Variants in ARMC8 observed in about 807,000 individuals in gnomAD.
ARMC8 encodes the protein armadillo repeat-containing protein 8.
In ARMC8, 20 loss-of-function variants were observed where a neutral mutation model predicts 99.3. The ratio of observed to expected loss-of-function variants is 0.20; its 90% CI spans 0.14 to 0.29. The LOEUF is 0.29. Among genes scored for constraint, ARMC8 ranks in the 10% least tolerant of loss-of-function variants. The pLI is 1.00. For synonymous variants in ARMC8, 263 were observed against 278.3 expected (o/e 0.95, Z 0.55); for missense variants, 569 against 809.5 (o/e 0.70, Z 3.60).
At chr3:138,249,464 T>G (rs1165350325) in intron 12 of ARMC8, among the ~76,000 whole-genome samples, 1 of 151,898 alleles carries the variant, frequency 6.6e-6, no homozygotes, top group Non-Finnish European at 1.5e-5. Context: ...GACCATTATT[T>G]CTTAATTAGA....
intron 19 of ARMC8, among the ~76,000 whole-genome samples, chr3:138,285,561 T>C (rs543043234): frequency 3.9e-5 from 6 of 152,358 alleles, no homozygotes; most frequent in African/African-American, 1.4e-4. Context: ...CCTTCAAATC[T>C]CAGCTGAACT....
At chr3:138,236,565 T>G (rs1202366595) in intron 7 of ARMC8, among the ~76,000 whole-genome samples, 2 of 152,238 alleles carry the variant, frequency 1.3e-5, no homozygotes, top group Non-Finnish European at 2.9e-5. Flanking sequence ...AGGTTCCTCC[T>G]GTGGGCACAT....
At chr3:138,252,281 G>A (rs1050557953) in intron 12 of ARMC8, among the ~76,000 whole-genome samples, 6 of 152,066 alleles carry the variant, frequency 3.9e-5, no homozygotes, top group South Asian at 4.1e-4. Flanking sequence ...TTATATTGCC[G>A]TACGACCTTG....
chr3:138,237,220 A>T, intron 7 of ARMC8, 89 bp from the exon 8 acceptor site: 1 of 1,154,830 alleles, frequency 8.7e-7, no homozygotes, highest in South Asian at 1.3e-5. Context: ...AGATTTACAT[A>T]ATTTTTTAGA....
chr3:138,256,567 C>G (rs1004490581), intron 12 of ARMC8, among the ~76,000 whole-genome samples: 1 of 151,938 alleles, frequency 6.6e-6, no homozygotes, highest in Non-Finnish European at 1.5e-5. Flanking sequence ...CCCGCCACAG[C>G]GCCTGGCTAA....
chr3:138,235,005 A>G (rs1331817189), intron 6 of ARMC8, 29 bp from the exon 7 acceptor site: 3 of 1,568,870 alleles, frequency 1.9e-6, no homozygotes, highest in African/African-American at 2.7e-5. Flanking sequence ...ACTCTTCTAA[A>G]TATATTGTTG....
At chr3:138,286,248 A>G (rs1208107030) in intron 19 of ARMC8, among the ~76,000 whole-genome samples, 1 of 152,116 alleles carries the variant, frequency 6.6e-6, no homozygotes, top group Non-Finnish European at 1.5e-5. Context: ...CAACCTTCAA[A>G]GCCAGACTTC....
intron 12 of ARMC8, among the ~76,000 whole-genome samples, chr3:138,248,401 A>G (rs1468382877): frequency 6.6e-6 from 1 of 152,252 alleles, no homozygotes; most frequent in African/African-American, 2.4e-5. Flanking sequence ...CCAAGTAAAA[A>G]TTAGCTCTCA....
At chr3:138,207,723 A>G (rs1315883756) in intron 1 of ARMC8, among the ~76,000 whole-genome samples, 1 of 152,150 alleles carries the variant, frequency 6.6e-6, no homozygotes, top group Non-Finnish European at 1.5e-5. Context: ...TCGTACAGTT[A>G]TTTGTGTCCT....
At chr3:138,215,584 C>T (rs2044978211) in intron 2 of ARMC8, among the ~76,000 whole-genome samples, 1 of 152,116 alleles carries the variant, frequency 6.6e-6, no homozygotes, top group South Asian at 2.1e-4. Flanking sequence ...TGTTCTAACA[C>T]ATTTTTTATG....
intron 7 of ARMC8, among the ~76,000 whole-genome samples, chr3:138,235,320 T>G (rs1188162570): frequency 1.3e-5 from 2 of 152,006 alleles, no homozygotes; most frequent in African/African-American, 4.8e-5. Flanking sequence ...AGGATACAGT[T>G]GTACCATGAG....
At chr3:138,242,243 G>A (rs1424678583) in intron 11 of ARMC8, among the ~76,000 whole-genome samples, 1 of 152,164 alleles carries the variant, frequency 6.6e-6, no homozygotes, top group African/African-American at 2.4e-5. Context: ...CTCAAAAGTA[G>A]TGGATTCTCC....
intron 12 of ARMC8, chr3:138,262,269 A>AGAGT (rs1303931554): frequency 2.7e-6 from 1 of 371,756 alleles, no homozygotes; most frequent in Non-Finnish European, 4.9e-6. Flanking sequence ...ATGAGGACAG[A>AGAGT]GAGTGATTGT....
At chr3:138,203,525 C>T (rs1006325571) in intron 1 of ARMC8, among the ~76,000 whole-genome samples, 2 of 152,156 alleles carry the variant, frequency 1.3e-5, no homozygotes, top group Admixed American at 6.5e-5. Context: ...GGCCTCTCCA[C>T]GGGGCAGCTC....
chr3:138,295,795 C>A, intron 21 of ARMC8, 64 bp from the exon 22 acceptor site: 2 of 1,567,730 alleles, frequency 1.3e-6, no homozygotes, highest in Non-Finnish European at 1.8e-6. Flanking sequence ...ATCATTGAAC[C>A]ATAGGGTTTT....
intron 21 of ARMC8, among the ~76,000 whole-genome samples, chr3:138,291,815 T>A (rs569435922): frequency 6.6e-6 from 1 of 152,140 alleles, no homozygotes; most frequent in African/African-American, 2.4e-5. Flanking sequence ...AGGAGTGAAC[T>A]TGGTATGTTC....
intron 12 of ARMC8, chr3:138,245,969 A>G (rs2046862091): frequency 1.0e-6 from 1 of 985,466 alleles, no homozygotes; most frequent in South Asian, 4.7e-5. Flanking sequence ...TTGAGGAGCC[A>G]TAGCAGAAAG....
At chr3:138,209,683 A>C (rs1417671186) in intron 1 of ARMC8, 134 bp from the exon 2 acceptor site, 1 of 702,872 alleles carries the variant, frequency 1.4e-6, no homozygotes. Context: ...GAGGAGGCAA[A>C]ACTAAGTATT....
chr3:138,196,951 T>G (rs1238463152), intron 1 of ARMC8, among the ~76,000 whole-genome samples: 1 of 152,190 alleles, frequency 6.6e-6, no homozygotes, highest in Non-Finnish European at 1.5e-5. Flanking sequence ...TCATGTGAGC[T>G]ATTATGTGTG....
Sources: gnomAD v4.1 joint callset for allele counts (sites outside exome capture counted in the v4.1 genomes callset) on GRCh38, gnomAD v4.1.1 for gene constraint, MANE v1.5 for transcripts, NCBI Gene and HGNC (gene_info 2026-07-23, HGNC 2026-07-21) for gene names.